Variants in GLOD4 observed in about 807,000 individuals in gnomAD.
The protein encoded by GLOD4 is glyoxalase domain-containing protein 4.
In GLOD4, 44 loss-of-function variants were observed where a neutral mutation model predicts 39.1. The observed-to-expected ratio is 1.13, with a 90% CI of 0.88 to 1.45. The LOEUF is 1.45. GLOD4 is among the 40% of genes most tolerant of loss of function. GLOD4 has a pLI of 0.00. For missense variants in GLOD4, 405 were observed against 366.4 expected, an observed-to-expected ratio of 1.11 and a Z score of -0.86; for synonymous variants, 145 against 135.0, an observed-to-expected ratio of 1.07 and a Z score of -0.52.
intron 8 of GLOD4, among the ~76,000 whole-genome samples, 175 bp from the exon 9 acceptor site, chr17:760,413 A>G (rs1905243049): frequency 6.6e-6 from 1 of 152,214 alleles, no homozygotes; most frequent in Non-Finnish European, 1.5e-5. Flanking sequence ...TAACATTTAA[A>G]GAGTATTAAT....
At chr17:778,622 T>C in intron 2 of GLOD4, 73 bp downstream of exon 2, 1 of 926,268 alleles carries the variant, frequency 1.1e-6, no homozygotes, top group South Asian at 1.3e-5. Context: ...TTATACTCAC[T>C]TTGAGAAACT....
rs77519686 is a variant in GLOD4 at position 779,854 on chromosome 17, C to T, written c.91-1110G>A. Among the ~76,000 whole-genome samples the T allele has an allele frequency of 7.7e-3, 1,178 of 152,178 alleles. 19 individuals carry two copies. Among genetic ancestry groups the T allele is most frequent in the African/African-American group, 0.027 (1,126 of 41,532 alleles). On this transcript the variant is annotated intron_variant, in intron 1 of 8. Transcript: ENST00000301329. ...CTGCCAGTTGAAGTTCCCAACGCTT[C>T]GCTCAGACTATTAAAAATCATCCTT...
At chr17:782,450 T>C (rs532309260), upstream of GLOD4, 1 of 1,613,926 alleles carries the variant, frequency 6.2e-7, no homozygotes, top group Admixed American at 1.7e-5. Flanking sequence ...CTTGGGACCT[T>C]GACGCGAGGC....
At chr17:760,374 A>G in intron 8 of GLOD4, 136 bp from the exon 9 acceptor site, 1 of 611,528 alleles carries the variant, frequency 1.6e-6, no homozygotes, top group Non-Finnish European at 2.9e-6. Flanking sequence ...CGCTCCAAAA[A>G]AAAGAGAAGA....
upstream of GLOD4, chr17:783,085 G>C (rs774370748): frequency 1.2e-6 from 2 of 1,609,936 alleles, no homozygotes; most frequent in Non-Finnish European, 1.7e-6. Flanking sequence ...ATCTACAGCA[G>C]TGTAATGACA....
chr17:784,051 A>G (rs377420582), upstream of GLOD4, among the ~76,000 whole-genome samples: 77 of 152,336 alleles, frequency 5.1e-4, no homozygotes, highest in East Asian at 9.6e-3. Context: ...GTTTAGCCCA[A>G]TAAACAGAGA....
intron 4 of GLOD4, among the ~76,000 whole-genome samples, chr17:772,155 C>T (rs566818048): frequency 6.0e-4 from 80 of 132,712 alleles, no homozygotes; most frequent in African/African-American, 2.2e-3. Context: ...CACTACTGCA[C>T]TCCAGCCTGG....
rs191219490 is a variant in GLOD4 at position 780,400 on chromosome 17, T to C, written c.91-1656A>G. ...CATCCTGATATCCCATCTCCTTAAC[T>C]TCAACTAAGCAACCTCAACTAAAGG... On this transcript the variant is annotated intron_variant, in intron 1 of 8. Transcript: ENST00000301329. Among the ~76,000 whole-genome samples, 271 of 152,230 alleles carry C rather than the reference T, an allele frequency of 1.8e-3. 3 individuals carry two copies. The highest frequency in any genetic ancestry group is 6.2e-3 in the African/African-American group (256 of 41,554).
chr17:767,691 T>A (rs950815679), intron 8 of GLOD4, among the ~76,000 whole-genome samples: 2 of 147,680 alleles, frequency 1.4e-5, no homozygotes, highest in African/African-American at 5.1e-5. Flanking sequence ...CAGCGCGCAT[T>A]CAGATTTTTA....
rs115327234 is a variant in GLOD4, at chr17:770,122, G to A, written c.666C>T (p.Asn222=). 8.8e-5 allele frequency: 142 copies of A among 1,612,308 alleles called. No homozygotes were observed. In the African/African-American group the frequency reaches 1.7e-3, roughly 19 times the overall value. ...PDLEDLMKRE[N]QKILTPLVSL... is the part of the protein sequence containing the mutation. ...TCACCAGGGGAGTCAGAATCTTCTG[G>A]TTCTCCCTTTTCATCAAGTCTTCTA... Residue 222 remains asparagine, a synonymous_variant, in exon 7 of 9, where the codon AAC becomes AAT. Coordinates refer to ENST00000301329, the MANE Select transcript of GLOD4 (RefSeq NM_016080.4).
chr17:776,410 G>A (rs941665227), intron 3 of GLOD4, among the ~76,000 whole-genome samples: 1 of 152,158 alleles, frequency 6.6e-6, no homozygotes, highest in African/African-American at 2.4e-5. Flanking sequence ...CTCCAGTCTT[G>A]TAAATCCATT....
upstream of GLOD4, chr17:782,361 G>A (rs189016834): frequency 2.9e-4 from 463 of 1,613,260 alleles, no homozygotes; most frequent in African/African-American, 5.7e-3. Flanking sequence ...TCGTGACGCA[G>A]CCCGGGTCTC....
intron 8 of GLOD4, 43 bp from the exon 9 acceptor site, chr17:760,281 A>T (rs1237336615): frequency 9.2e-7 from 1 of 1,090,984 alleles, no homozygotes; most frequent in Non-Finnish European, 1.4e-6. Flanking sequence ...CAAGCCTGAA[A>T]AACAAAAGAC....
intron 8 of GLOD4, among the ~76,000 whole-genome samples, chr17:767,465 C>T (rs1214069778): frequency 6.6e-6 from 1 of 151,854 alleles, no homozygotes; most frequent in African/African-American, 2.4e-5. Flanking sequence ...AGTGCACACT[C>T]AGATTTTTAG....
chr17:783,670 G>A (rs1245700390), upstream of GLOD4, among the ~76,000 whole-genome samples: 1 of 152,144 alleles, frequency 6.6e-6, no homozygotes, highest in African/African-American at 2.4e-5. Flanking sequence ...GGAGACCTAG[G>A]ATTAATTTCT....
chr17:782,760 T>C, upstream of GLOD4: 1 of 1,476,434 alleles, frequency 6.8e-7, no homozygotes, highest in Non-Finnish European at 9.1e-7. Context: ...AACCTTAACC[T>C]CCTTCCGATG....
rs58914913 is a variant in GLOD4 at position 772,187 on chromosome 17, GAA to G, written c.407-728_407-727del. ...CTGGGTGACAGTGAGACCCTATCTC[GAA>G]AAAAAAAAAAAAAAAAAAAACAAAG... is the stretch of plus-strand genomic sequence containing the variant. On this transcript the variant is annotated intron_variant, in intron 4 of 8. Transcript: ENST00000301329. Among the ~76,000 whole-genome samples the G allele has an allele frequency of 5.9e-3, 298 of 50,858 alleles. 1 individual carries two copies. Among genetic ancestry groups the G allele is most frequent in the Middle Eastern group, 0.043 (2 of 46 alleles). 33.4% of individuals were successfully genotyped at this position (50,858 alleles called of 152,430 possible).
intron 8 of GLOD4, among the ~76,000 whole-genome samples, chr17:765,835 G>A (rs1906441509): frequency 6.6e-6 from 1 of 151,668 alleles, no homozygotes; most frequent in Non-Finnish European, 1.5e-5. Context: ...TGTAATCCCA[G>A]CTACCAGCTA....
At chr17:762,993 G>A (rs1168235249) in intron 8 of GLOD4, among the ~76,000 whole-genome samples, 6 of 152,074 alleles carry the variant, frequency 3.9e-5, no homozygotes, top group East Asian at 1.9e-4. Flanking sequence ...TGGCTAACAC[G>A]GTGAAACCCC....
Sources: allele counts gnomAD v4.1 joint callset (sites outside exome capture counted in the v4.1 genomes callset), GRCh38; gene constraint gnomAD v4.1.1; transcripts MANE v1.5; gene names NCBI Gene and HGNC (gene_info 2026-07-23, HGNC 2026-07-21).